OR51B5: variants seen among roughly 807,000 people sequenced by gnomAD.
The protein encoded by OR51B5 is olfactory receptor family 51 subfamily B member 5.
For missense variants in OR51B5, 456 were observed against 374.6 expected (o/e 1.22, Z -1.79); for synonymous variants, 186 against 144.8 (o/e 1.28, Z -2.04).
At chr11:5,412,751 C>T (rs1850169411) in intron 1 of OR51B5, among the ~76,000 whole-genome samples, 1 of 152,126 alleles carries the variant, frequency 6.6e-6, no homozygotes, top group Admixed American at 6.5e-5. Flanking sequence ...GGGCACCCGC[C>T]ATTGCCCAGG....
intron 1 of OR51B5, among the ~76,000 whole-genome samples, chr11:5,359,265 T>A (rs2133695840): frequency 6.7e-6 from 1 of 148,830 alleles, no homozygotes; most frequent in Non-Finnish European, 1.5e-5. Flanking sequence ...GCCCAAAATG[T>A]CCTTAAACTG....
chr11:5,498,301 G>C (rs990563968), intron 1 of OR51B5, among the ~76,000 whole-genome samples: 2 of 152,260 alleles, frequency 1.3e-5, no homozygotes, highest in Middle Eastern at 3.4e-3. Flanking sequence ...CAATGGCACT[G>C]CTAACCATGA....
chr11:5,348,312 C>T (rs1264541032), upstream of OR51B5, among the ~76,000 whole-genome samples: 1 of 152,028 alleles, frequency 6.6e-6, no homozygotes, highest in Non-Finnish European at 1.5e-5. Flanking sequence ...TAATTTCTCT[C>T]CACCTGACTG....
chr11:5,388,633 A>T (rs1849740177), intron 1 of OR51B5, among the ~76,000 whole-genome samples: 1 of 150,824 alleles, frequency 6.6e-6, no homozygotes, highest in Admixed American at 6.6e-5. Flanking sequence ...AGAAAATAGG[A>T]TATACACGGA....
intron 1 of OR51B5, among the ~76,000 whole-genome samples, chr11:5,368,189 T>C (rs1446311480): frequency 2.6e-5 from 4 of 152,220 alleles, no homozygotes; most frequent in Non-Finnish European, 5.9e-5. Flanking sequence ...AAGTGTTCTG[T>C]AGGCTTCTTG....
At chr11:5,495,502 C>T (rs1275488556) in intron 1 of OR51B5, among the ~76,000 whole-genome samples, 2 of 152,106 alleles carry the variant, frequency 1.3e-5, no homozygotes, top group Non-Finnish European at 2.9e-5. Flanking sequence ...TTTTTGTATG[C>T]AATTTAACTT....
chr11:5,478,211 C>A (rs1590019835), intron 1 of OR51B5, among the ~76,000 whole-genome samples: 1 of 152,064 alleles, frequency 6.6e-6, no homozygotes, highest in South Asian at 2.1e-4. Flanking sequence ...CCCCTGAACC[C>A]CGAGCAGCCT....
chr11:5,400,000 T>G (rs1849943321), intron 1 of OR51B5, among the ~76,000 whole-genome samples: 1 of 152,164 alleles, frequency 6.6e-6, no homozygotes, highest in Non-Finnish European at 1.5e-5. Context: ...AGATCAATAT[T>G]TGGTCTATTT....
intron 1 of OR51B5, among the ~76,000 whole-genome samples, chr11:5,430,088 A>G (rs1850513672): frequency 6.6e-6 from 1 of 152,222 alleles, no homozygotes; most frequent in African/African-American, 2.4e-5. Context: ...TTATTGTTTG[A>G]TCAAGAACAT....
Position 5,357,780 on chromosome 11 carries a change from T to C in OR51B5, n.85-10870A>G, listed in dbSNP as rs1450591721. On this transcript the variant is annotated intron_variant and non_coding_transcript_variant, in intron 1 of 4. Transcript: ENST00000415970. The stretch of plus-strand genomic sequence containing the variant: ...AGCAAATGTAAAAGAACAGAAATTA[T>C]AACAAACTGTCTCTCAGACCACAGT... Among the ~76,000 whole-genome samples the C allele has an allele frequency of 6.0e-5, 9 of 151,052 alleles. No individual in the cohort carries two copies. The South Asian group carries it at 1.5e-3, about 25-fold the overall frequency.
At chr11:5,352,250 T>A in intron 1 of OR51B5, 6 of 1,614,202 alleles carry the variant, frequency 3.7e-6, no homozygotes, top group South Asian at 1.1e-5. Flanking sequence ...TGCATCCTGG[T>A]CTTCTATGTC....
intron 1 of OR51B5, chr11:5,422,542 T>C: frequency 4.3e-6 from 7 of 1,614,176 alleles, no homozygotes; most frequent in Non-Finnish European, 5.1e-6. Flanking sequence ...TTATGGAGTC[T>C]TCTGTCCTCC....
At chr11:5,390,591 A>C in intron 1 of OR51B5, 1 of 512,944 alleles carries the variant, frequency 1.9e-6, no homozygotes, top group Non-Finnish European at 3.4e-6. Flanking sequence ...GAGAACTGGC[A>C]TTTTTGGTAG....
chr11:5,380,134 G>A (rs1489707249), intron 1 of OR51B5, among the ~76,000 whole-genome samples: 1 of 147,658 alleles, frequency 6.8e-6, no homozygotes, highest in African/African-American at 2.4e-5. Flanking sequence ...TTTTCACAAT[G>A]AAAATGAAAA....
intron 1 of OR51B5, among the ~76,000 whole-genome samples, chr11:5,498,195 T>C (rs1473781523): frequency 6.6e-6 from 1 of 152,166 alleles, no homozygotes; most frequent in African/African-American, 2.4e-5. Flanking sequence ...AATGCCATGG[T>C]GCTGGAGGAG....
intron 1 of OR51B5, among the ~76,000 whole-genome samples, chr11:5,395,711 T>TCAA (rs1334205744): frequency 1.3e-5 from 2 of 152,212 alleles, no homozygotes; most frequent in African/African-American, 4.8e-5. Flanking sequence ...TGGAAATCTT[T>TCAA]CAACATAGTA....
chr11:5,456,090 T>A (rs1265003980), intron 1 of OR51B5: 1 of 152,188 alleles, frequency 6.6e-6, no homozygotes, highest in Non-Finnish European at 1.5e-5. Context: ...AATACATAAA[T>A]GCAAAGGCAA....
intron 1 of OR51B5, among the ~76,000 whole-genome samples, chr11:5,352,851 A>C (rs1849122538): frequency 6.8e-6 from 1 of 146,244 alleles, no homozygotes; most frequent in South Asian, 2.1e-4. Flanking sequence ...CTTAATATAT[A>C]ATAGTGTGTG....
upstream of OR51B5, among the ~76,000 whole-genome samples, chr11:5,344,398 T>C (rs1046958423): frequency 2.0e-5 from 3 of 152,130 alleles, no homozygotes; most frequent in Non-Finnish European, 1.5e-5. Context: ...CTGACCTCTC[T>C]CATTTCAAGT....
Sources: gnomAD v4.1 joint callset for allele counts (sites outside exome capture counted in the v4.1 genomes callset) on GRCh38, gnomAD v4.1.1 for gene constraint, MANE v1.5 for transcripts, NCBI Gene and HGNC (gene_info 2026-07-23, HGNC 2026-07-21) for gene names.